TPH2: variants seen among roughly 807,000 people sequenced by gnomAD.
The protein encoded by TPH2 is tryptophan hydroxylase 2, also known as tryptophan 5-hydroxylase 2.
In TPH2, 27 loss-of-function variants were observed where a neutral mutation model predicts 59.1. The observed-to-expected ratio is 0.46, with a 90% CI of 0.34 to 0.63. The LOEUF (loss-of-function observed/expected upper bound fraction) is 0.63. TPH2 is among the 30% of genes least tolerant of loss of function. The probability of loss-of-function intolerance (pLI) is 0.01; values close to 1 mark genes in which losing one functional copy is unlikely to be tolerated. For missense variants in TPH2, 523 were observed against 588.3 expected, an observed-to-expected ratio of 0.89 and a Z score of 1.15; for synonymous variants, 220 against 210.5, an observed-to-expected ratio of 1.05 and a Z score of -0.39.
At chr12:71,944,836 G>T (rs1301424147) in intron 4 of TPH2, 150 bp downstream of exon 4, 5 of 801,842 alleles carry the variant, frequency 6.2e-6, no homozygotes, top group Admixed American at 4.0e-5. Flanking sequence ...AAATGATAAA[G>T]CTTCCCTGTA....
At chr12:71,953,162 CTT>C (rs201864157) in intron 5 of TPH2, among the ~76,000 whole-genome samples, 15 of 144,162 alleles carry the variant, frequency 1.0e-4, no homozygotes, top group Non-Finnish European at 9.2e-5. Context: ...CTTTTCCCTG[CTT>C]TTTTTTTTTT....
chr12:71,969,285 AAAAG>A (rs1278460872), intron 5 of TPH2, among the ~76,000 whole-genome samples: 6 of 152,330 alleles, frequency 3.9e-5, no homozygotes, highest in African/African-American at 1.4e-4. Flanking sequence ...TCCATCTCAA[AAAAG>A]AAAGAAAGAT....
intron 8 of TPH2, among the ~76,000 whole-genome samples, chr12:72,015,236 A>G (rs1873209501): frequency 6.6e-6 from 1 of 151,136 alleles, no homozygotes. Flanking sequence ...CAAAAACTAG[A>G]TGGAAAAATG....
rs763677154 is a variant in TPH2 at position 72,022,484 on chromosome 12, G to A, written c.1154G>A (p.Gly385Glu). Residue 385 changes from glycine to glutamate, a missense_variant, in exon 9 of 11, where the codon GGA (glycine) becomes GAA (glutamate). Coordinates refer to ENST00000333850, the MANE Select transcript of TPH2 (RefSeq NM_173353.4). ...GGAGCAGGACTCCTTTCCTCCATTGGAGAATTAAAGGTATGAAGCTGTGAA... is the reference window on the plus strand; with the variant it reads ...GGAGCAGGACTCCTTTCCTCCATTGAAGAATTAAAGGTATGAAGCTGTGAA... ...AYGAGLLSSI[G>E]ELKHALSDKA... 10 of 1,612,472 alleles carry A rather than the reference G, an allele frequency of 6.2e-6. No homozygotes were observed. The East Asian group carries it at 1.6e-4, about 25-fold the overall frequency.
chr12:71,968,044 A>AGGAG (rs1871866536), intron 5 of TPH2, among the ~76,000 whole-genome samples: 1 of 152,084 alleles, frequency 6.6e-6, no homozygotes, highest in Admixed American at 6.5e-5. Flanking sequence ...GGGGGCTGCG[A>AGGAG]GGAGGGAGGG....
intron 8 of TPH2, among the ~76,000 whole-genome samples, chr12:72,002,303 C>T (rs1025346824): frequency 1.1e-4 from 17 of 152,136 alleles, no homozygotes; most frequent in African/African-American, 3.6e-4. Flanking sequence ...AGCAGAATCA[C>T]AGGTGTCACT....
chr12:71,966,932 A>T (rs1871834233), intron 5 of TPH2, among the ~76,000 whole-genome samples: 1 of 152,236 alleles, frequency 6.6e-6, no homozygotes, highest in African/African-American at 2.4e-5. Flanking sequence ...ATAGCATCAC[A>T]ACAGAGTATT....
intron 5 of TPH2, among the ~76,000 whole-genome samples, chr12:71,966,699 C>T (rs778559039): frequency 1.3e-5 from 2 of 152,226 alleles, no homozygotes; most frequent in Non-Finnish European, 2.9e-5. Flanking sequence ...CTCCTTGCCA[C>T]TGAGAAAATC....
intron 6 of TPH2, among the ~76,000 whole-genome samples, chr12:71,976,305 T>A (rs12319219): frequency 1.3e-5 from 2 of 152,240 alleles, no homozygotes; most frequent in East Asian, 1.9e-4. Flanking sequence ...TCCACAACCC[T>A]TGGTGAACTG....
At chr12:72,029,078 T>G (rs1873647832) in intron 9 of TPH2, among the ~76,000 whole-genome samples, 1 of 152,240 alleles carries the variant, frequency 6.6e-6, no homozygotes, top group Non-Finnish European at 1.5e-5. Flanking sequence ...TCTCTGTCAT[T>G]GCATACACAC....
intron 5 of TPH2, among the ~76,000 whole-genome samples, chr12:71,969,170 C>G (rs1871901944): frequency 6.6e-6 from 1 of 152,142 alleles, no homozygotes; most frequent in African/African-American, 2.4e-5. Flanking sequence ...GTAGTCCCAG[C>G]TACCCCGGAG....
At chr12:72,020,962 C>A (rs12811510) in intron 8 of TPH2, among the ~76,000 whole-genome samples, 1 of 152,292 alleles carries the variant, frequency 6.6e-6, no homozygotes, top group Admixed American at 6.5e-5. Flanking sequence ...TATAACCTTC[C>A]TGAACCAAGG....
chr12:71,950,820 T>C (rs1871325021), intron 5 of TPH2, among the ~76,000 whole-genome samples: 1 of 152,118 alleles, frequency 6.6e-6, no homozygotes, highest in Non-Finnish European at 1.5e-5. Context: ...GGGCTTTGTT[T>C]ATAAAAAGGG....
chr12:72,022,596 A>G, intron 9 of TPH2, 102 bp downstream of exon 9: 2 of 961,616 alleles, frequency 2.1e-6, no homozygotes, highest in Non-Finnish European at 3.3e-6. Context: ...CAGATACTCC[A>G]TAAATATTTA....
At chr12:71,966,701 G>C (rs977457919) in intron 5 of TPH2, among the ~76,000 whole-genome samples, 3 of 152,292 alleles carry the variant, frequency 2.0e-5, no homozygotes, top group Middle Eastern at 3.4e-3. Flanking sequence ...CCTTGCCACT[G>C]AGAAAATCCG....
chr12:72,012,035 C>T (rs1873110853), intron 8 of TPH2, among the ~76,000 whole-genome samples: 1 of 152,226 alleles, frequency 6.6e-6, no homozygotes, highest in Non-Finnish European at 1.5e-5. Context: ...AGAAGGCTGA[C>T]ATTGACTCTG....
intron 8 of TPH2, among the ~76,000 whole-genome samples, chr12:72,014,747 T>A (rs11179047): frequency 3.3e-5 from 5 of 152,134 alleles, no homozygotes; most frequent in Non-Finnish European, 2.9e-5. Flanking sequence ...TTGGGGTAGT[T>A]GTTGATGCCT....
At chr12:71,962,236 A>G in intron 5 of TPH2, 4 of 985,584 alleles carry the variant, frequency 4.1e-6, no homozygotes, top group Non-Finnish European at 4.8e-6. Flanking sequence ...AAGTTGCTGT[A>G]CTGATTTGTG....
intron 5 of TPH2, among the ~76,000 whole-genome samples, chr12:71,951,929 G>A (rs956781287): frequency 1.3e-5 from 2 of 152,170 alleles, no homozygotes; most frequent in Non-Finnish European, 2.9e-5. Flanking sequence ...GGAGGCTGAG[G>A]CAGGAGAATC....
Sources: allele counts gnomAD v4.1 joint callset (sites outside exome capture counted in the v4.1 genomes callset), GRCh38; gene constraint gnomAD v4.1.1; transcripts MANE v1.5; gene names NCBI Gene and HGNC (gene_info 2026-07-23, HGNC 2026-07-21).